CHFR: variants seen among roughly 807,000 people sequenced by gnomAD.
CHFR encodes the protein checkpoint with forkhead and ring finger domains.
Under a neutral mutation model 87.6 loss-of-function variants are expected in CHFR, and 57 were observed. The ratio of observed to expected loss-of-function variants is 0.65; its 90% CI spans 0.53 to 0.81. The LOEUF is 0.81. CHFR is among the 30% of genes least tolerant of loss of function. The pLI, the probability that CHFR is intolerant of heterozygous loss-of-function variation, is 0.00. For missense variants in CHFR, 797 were observed against 865.8 expected, an observed-to-expected ratio of 0.92 and a Z score of 1.00; for synonymous variants, 381 against 359.2, an observed-to-expected ratio of 1.06 and a Z score of -0.69.
Position 132,832,560 on chromosome 12 carries a change from G to C in CHFR, c.*8994C>G, listed in dbSNP as rs922341581. 3 of 152,080 alleles carry C rather than the reference G, an allele frequency of 2.0e-5. No homozygotes were observed. Among genetic ancestry groups the C allele is most frequent in the Non-Finnish European group, 4.4e-5 (3 of 68,034 alleles). The allele number at this position is 152,080 out of a possible 1,614,324, so 9.4% of individuals were successfully genotyped here. ...GTTGATCATTATACATTGTATGTCT[G>C]TATTAAAATATCAAGGTACTCCATA... On this transcript the variant is annotated 3_prime_UTR_variant, in exon 18 of 18. Coordinates refer to ENST00000450056, the MANE Select transcript of CHFR (RefSeq NM_001161346.2).
At chr12:132,883,917 A>T (rs12322443) in intron 2 of CHFR, among the ~76,000 whole-genome samples, 1 of 152,124 alleles carries the variant, frequency 6.6e-6, no homozygotes, top group Non-Finnish European at 1.5e-5. Flanking sequence ...CAGGAGTTCA[A>T]GACCAGCCTG....
Position 132,887,257 on chromosome 12 carries a change from C to T in CHFR, c.72G>A (p.Ala24=), listed in dbSNP as rs753867941. 1 of 1,501,684 alleles carries T rather than the reference C, an allele frequency of 6.7e-7. No individual in the cohort carries two copies. The highest frequency in any genetic ancestry group is 8.8e-7 in the Non-Finnish European group (1 of 1,132,360). 93.0% of individuals were successfully genotyped at this position (1,501,684 alleles called of 1,614,324 possible). A position where few individuals can be genotyped will look rare whatever the true frequency, so the allele number is the denominator to read the frequency against. The change falls in exon 2 of 18, where the codon GCG becomes GCA. Residue 24 remains alanine (A), a synonymous_variant. Coordinates refer to ENST00000450056, the MANE Select transcript of CHFR (RefSeq NM_001161346.2). ...GGAGGACGTGCGGCTCGCCCTCCTC[C>T]GCGCCCAGACGCAGGAGCCGTCCCC... ...QPWGRLLRLG[A]EEGEPHVLLR...
At chr12:132,876,227 G>A (rs1418479433) in intron 3 of CHFR, among the ~76,000 whole-genome samples, 2 of 152,024 alleles carry the variant, frequency 1.3e-5, no homozygotes, top group African/African-American at 4.8e-5. Flanking sequence ...TATGTGTAGT[G>A]TGATTGCATT....
rs1448818469 is a variant in CHFR at position 132,848,671 on chromosome 12, C to T, written c.1546G>A (p.Gly516Ser). The change falls in exon 13 of 18, where the codon GGC becomes AGC. Residue 516 changes from glycine to serine, a missense_variant. Physicochemically the swap from Gly to Ser is moderately conservative, Grantham distance 56. Around this residue, in one of 2 missense-constraint regions of CHFR, gnomAD observed 200 missense variants for 264.6 expected, o/e 0.76. Transcript: ENST00000450056. ...CHLYWGCTRT[G>S]CYGCLAPFCE... ...AACGGGGCCAGGCAGCCGTAGCAGCCGGTCCGGGTGCAGCCCCAGTACAGG... is the reference window on the plus strand; with the variant it reads ...AACGGGGCCAGGCAGCCGTAGCAGCTGGTCCGGGTGCAGCCCCAGTACAGG... The T allele has an allele frequency of 3.1e-6, 5 of 1,596,744 alleles. No homozygotes were observed. The highest frequency in any genetic ancestry group is 1.7e-4 in the Middle Eastern group (1 of 6,042).
intron 3 of CHFR, among the ~76,000 whole-genome samples, chr12:132,874,836 C>G (rs1951588551): frequency 6.7e-6 from 1 of 150,018 alleles, no homozygotes; most frequent in Non-Finnish European, 1.5e-5. Flanking sequence ...CTGCCCAGGA[C>G]CAGCACCCAG....
At chr12:132,855,900 C>T (rs1951057402) in intron 10 of CHFR, among the ~76,000 whole-genome samples, 1 of 152,024 alleles carries the variant, frequency 6.6e-6, no homozygotes, top group South Asian at 2.1e-4. Flanking sequence ...GGCCTCGACC[C>T]AACATTCAGA....
chr12:132,857,707 A>C (rs1321711393), intron 8 of CHFR, 148 bp from the exon 9 acceptor site: 3 of 711,808 alleles, frequency 4.2e-6, no homozygotes, highest in Non-Finnish European at 6.8e-6. Flanking sequence ...GTCTTGGTTA[A>C]TGAAAAGAAA....
At position 132,834,785 on chromosome 12, in the gene CHFR, G is replaced by T. The variant is rs897540792; in HGVS notation, c.*6769C>A. ...GGCGGGAGTGCAGTGGTGCGATCTC[G>T]GTTCACTGCAAGCTCCGCCTCCCGG... On this transcript the variant is annotated 3_prime_UTR_variant, in exon 18 of 18. Transcript: ENST00000450056. The T allele has an allele frequency of 1.3e-5, 2 of 148,924 alleles. No individual in the cohort carries two copies. The highest frequency in any genetic ancestry group is 5.0e-5 in the African/African-American group (2 of 40,182). 9.2% of individuals were successfully genotyped at this position (148,924 alleles called of 1,614,324 possible).
intron 6 of CHFR, 137 bp downstream of exon 6, chr12:132,869,482 G>T: frequency 1.4e-6 from 1 of 713,294 alleles, no homozygotes; most frequent in Non-Finnish European, 2.3e-6. Flanking sequence ...ACTCAATATT[G>T]ACTCCTACAG....
At chr12:132,884,177 G>A (rs865928010) in intron 2 of CHFR, among the ~76,000 whole-genome samples, 1 of 151,980 alleles carries the variant, frequency 6.6e-6, no homozygotes, top group Non-Finnish European at 1.5e-5. Flanking sequence ...CCAGCACTTT[G>A]GGAAGCCGAG....
Position 132,857,503 on chromosome 12 carries a change from C to T in CHFR, c.968G>A (p.Arg323His), listed in dbSNP as rs775805064. ...CAACYSGWME[R>H]SSLCPTCRCP... is the part of the protein sequence containing the mutation. The stretch of plus-strand genomic sequence containing the variant: ...GCGGCAGGTAGGACACAGGGACGAG[C>T]GCTCCATCCAGCCCGAGTAGCAAGC... The change falls in exon 9 of 18, where the codon CGC (arginine) becomes CAC (histidine). Residue 323 changes from arginine (R) to histidine (H), a missense_variant. By Grantham distance (29) the Arg-to-His change is conservative (BLOSUM62 0). Coordinates refer to ENST00000450056, the MANE Select transcript of CHFR (RefSeq NM_001161346.2). 1.9e-6 allele frequency: 3 copies of T among 1,614,116 alleles called. No individual in the cohort carries two copies. The highest frequency in any genetic ancestry group is 4.5e-5 in the East Asian group (2 of 44,872).
Position 132,877,643 on chromosome 12 carries a change from A to G in CHFR, c.145T>C (p.Ser49Pro), listed in dbSNP as rs1184762410. 1 of 1,612,570 alleles carries G rather than the reference A, an allele frequency of 6.2e-7. No individual in the cohort carries two copies. Among genetic ancestry groups the G allele is most frequent in the East Asian group, 2.2e-5 (1 of 44,856 alleles). The part of the protein sequence containing the change: ...TIGRRRGCDL[S>P]FPSNKLVSGD... ...GAGACCAGTTTATTGCTGGGGAAGG[A>G]AAGGTCGCAACCTAAAAAAGAGAGG... is the stretch of plus-strand genomic sequence containing the variant. Residue 49 changes from serine to proline, a missense_variant, in exon 3 of 18, where the codon TCC becomes CCC. Physicochemically the swap from Ser to Pro is moderately conservative, Grantham distance 74. Around this residue, in one of 2 missense-constraint regions of CHFR, gnomAD observed 597 missense variants for 601.2 expected, o/e 0.99. Transcript: ENST00000450056.
intron 2 of CHFR, among the ~76,000 whole-genome samples, chr12:132,879,179 T>C (rs1951708496): frequency 6.6e-6 from 1 of 150,862 alleles, no homozygotes; most frequent in African/African-American, 2.4e-5. Context: ...TAATTTTTTG[T>C]ATTTTTAGTA....
chr12:132,866,493 T>G lies in CHFR; in HGVS notation c.583+3126A>C, dbSNP rs559344166. On this transcript the variant is annotated intron_variant, in intron 6 of 17. Transcript: ENST00000450056. The stretch of plus-strand genomic sequence containing the variant: ...CACACCAGAATGTTACAACACAGCA[T>G]GTAACACCAAATGTTACAACACACT... 2.1e-3 allele frequency: 316 copies of G among 151,242 alleles called. 2 individuals are homozygous for G. In the South Asian group the frequency reaches 0.024, roughly 12 times the overall value. 9.4% of individuals were successfully genotyped at this position (151,242 alleles called of 1,614,324 possible).
In CHFR at chr12:132,861,549, T is replaced by C. The variant is rs1038008124; in HGVS notation, c.669A>G (p.Pro223=). The C allele has an allele frequency of 2.5e-6, 4 of 1,614,092 alleles. No individual in the cohort carries two copies. The highest frequency in any genetic ancestry group is 3.4e-6 in the Non-Finnish European group (4 of 1,180,042). Residue 223 remains proline (P), a synonymous_variant, in exon 7 of 18, where the codon CCA becomes CCG. Coordinates refer to ENST00000450056, the MANE Select transcript of CHFR (RefSeq NM_001161346.2). ...DEVSSFASAL[P]DRKTASFSSL... Reference sequence around the variant, plus strand: ...ACGAAAAGGACGCAGTCTTTCTGTCTGGGAGAGCTGAGGCAAAGCTGGAGA... The same window carrying C: ...ACGAAAAGGACGCAGTCTTTCTGTCCGGGAGAGCTGAGGCAAAGCTGGAGA...
At chr12:132,870,480 G>A (rs1051203656) in intron 5 of CHFR, among the ~76,000 whole-genome samples, 1 of 149,620 alleles carries the variant, frequency 6.7e-6, no homozygotes, top group Non-Finnish European at 1.5e-5. Flanking sequence ...GCAGTGAGCC[G>A]AGATCGCGCC....
chr12:132,877,058 G>A (rs1347716182), intron 3 of CHFR, among the ~76,000 whole-genome samples: 2 of 152,158 alleles, frequency 1.3e-5, no homozygotes, highest in Non-Finnish European at 1.5e-5. Context: ...GCCTCCCAAA[G>A]TGCTGGGATT....
At chr12:132,842,853 G>C (rs974098154) in intron 17 of CHFR, among the ~76,000 whole-genome samples, 158 bp downstream of exon 17, 3 of 152,234 alleles carry the variant, frequency 2.0e-5, no homozygotes, top group African/African-American at 7.2e-5. Context: ...TGCATGAAAC[G>C]AAGGGATAAA....
intron 10 of CHFR, 121 bp downstream of exon 10, chr12:132,856,347 G>T: frequency 1.9e-6 from 2 of 1,050,700 alleles, no homozygotes; most frequent in Non-Finnish European, 2.8e-6. Flanking sequence ...TAAGAGCTTG[G>T]CTGCTCAGGG....
Sources: gnomAD v4.1 joint callset for allele counts (sites outside exome capture counted in the v4.1 genomes callset) on GRCh38, gnomAD v4.1.1 for gene constraint, gnomAD v4.1.1 regional missense constraint, MANE v1.5 for transcripts, NCBI Gene and HGNC (gene_info 2026-07-23, HGNC 2026-07-21) for gene names.